Variants in THBS4 observed in about 807,000 individuals in gnomAD.
The protein encoded by THBS4 is thrombospondin-4.
THBS4 carries 90 observed loss-of-function variants against 115.7 expected under a neutral mutation model. That is an observed-to-expected ratio of 0.78 (90% confidence interval 0.66 to 0.93). The LOEUF (loss-of-function observed/expected upper bound fraction) is 0.93, where lower values mean the gene tolerates loss of function less well. Ranked by LOEUF, THBS4 falls within the 40% of genes least tolerant of loss-of-function variation. THBS4 has a pLI of 0.00. For missense variants in THBS4, 1,087 were observed against 1,232.7 expected (o/e 0.88, Z 1.77); for synonymous variants, 460 against 479.3 (o/e 0.96, Z 0.53).
chr5:80,014,402 C>T (rs1268694577), intron 2 of THBS4, among the ~76,000 whole-genome samples: 1 of 152,210 alleles, frequency 6.6e-6, no homozygotes, highest in Non-Finnish European at 1.5e-5. Context: ...ACAGTGGTCC[C>T]TCGCAGATGT....
At chr5:80,040,852 C>T (rs1023968738) in intron 2 of THBS4, among the ~76,000 whole-genome samples, 1 of 152,164 alleles carries the variant, frequency 6.6e-6, no homozygotes, top group Non-Finnish European at 1.5e-5. Context: ...TGTGTCACAA[C>T]GTGGTGGAGA....
intron 1 of THBS4, among the ~76,000 whole-genome samples, chr5:80,036,588 T>C (rs1426894455): frequency 1.3e-5 from 2 of 152,332 alleles, no homozygotes; most frequent in African/African-American, 4.8e-5. Context: ...GAAAAGATAC[T>C]TGGACAATCC....
chr5:80,077,626 C>T (rs899983506), intron 16 of THBS4, among the ~76,000 whole-genome samples: 30 of 152,214 alleles, frequency 2.0e-4, no homozygotes, highest in African/African-American at 7.0e-4. Flanking sequence ...ACGTGGGGGC[C>T]ACCAGAAGTT....
intron 10 of THBS4, among the ~76,000 whole-genome samples, chr5:80,069,930 A>T (rs1446247873): frequency 1.3e-5 from 2 of 152,198 alleles, no homozygotes; most frequent in African/African-American, 4.8e-5. Flanking sequence ...CCCTTGGCCC[A>T]GACTCTGCTC....
intron 20 of THBS4, among the ~76,000 whole-genome samples, chr5:80,081,431 G>GAAAT (rs1022389078): frequency 1.3e-5 from 2 of 152,050 alleles, no homozygotes; most frequent in African/African-American, 4.8e-5. Context: ...ATATCATAGA[G>GAAAT]AAATAAGAAT....
At position 80,083,190 on chromosome 5, in the gene THBS4, T is replaced by C. The variant is rs1464754249; in HGVS notation, c.*49T>C. 1.3e-6 allele frequency: 2 copies of C among 1,498,180 alleles called. No homozygotes were observed. Among genetic ancestry groups the C allele is most frequent in the Admixed American group, 3.4e-5 (2 of 59,502 alleles). 92.8% of individuals were successfully genotyped at this position (1,498,180 alleles called of 1,614,324 possible). On this transcript the variant is annotated 3_prime_UTR_variant, in exon 22 of 22. Coordinates refer to ENST00000350881, the MANE Select transcript of THBS4 (RefSeq NM_003248.6). ...CTTTTCGGAACACTAAAACCATATA[T>C]ATTTTAACTTCAATTTTCTTTAGCT...
chr5:80,056,101 C>T lies in THBS4; in HGVS notation c.540+69C>T, dbSNP rs1168489206. On this transcript the variant is annotated intron_variant, in intron 3 of 21. Coordinates refer to ENST00000350881, the MANE Select transcript of THBS4 (RefSeq NM_003248.6). ...CCAGTGCCTAGGGAGTGCAGAGGAG[C>T]GTGCTGAGAAATTCCTGCTGCAGGT... The T allele has an allele frequency of 8.1e-6, 12 of 1,487,982 alleles. No homozygotes were observed. In the Admixed American group the frequency reaches 1.7e-4, roughly 21 times the overall value. 92.2% of individuals were successfully genotyped at this position (1,487,982 alleles called of 1,614,324 possible). A position where few individuals can be genotyped will look rare whatever the true frequency, so the allele number is the denominator to read the frequency against.
At chr5:79,997,066 A>G (rs1427481722) in intron 1 of THBS4, among the ~76,000 whole-genome samples, 2 of 151,824 alleles carry the variant, frequency 1.3e-5, no homozygotes, top group Non-Finnish European at 2.9e-5. Flanking sequence ...GTAACCCACA[A>G]GAAAGCAAGG....
intron 1 of THBS4, among the ~76,000 whole-genome samples, chr5:79,996,979 T>C (rs1385799099): frequency 6.6e-6 from 1 of 151,536 alleles, no homozygotes; most frequent in Admixed American, 6.6e-5. Flanking sequence ...GAGTAGCCAC[T>C]AAGAGAACTA....
chr5:80,073,067 C>T (rs1742979543), intron 14 of THBS4, among the ~76,000 whole-genome samples: 2 of 152,204 alleles, frequency 1.3e-5, no homozygotes, highest in South Asian at 4.1e-4. Context: ...GGCAGCCCAT[C>T]CATGTAGCTT....
At chr5:80,077,618 G>A (rs758990074) in intron 16 of THBS4, among the ~76,000 whole-genome samples, 13 of 152,204 alleles carry the variant, frequency 8.5e-5, no homozygotes, top group African/African-American at 1.4e-4. Flanking sequence ...CAACACACAC[G>A]TGGGGGCCAC....
intron 1 of THBS4, among the ~76,000 whole-genome samples, chr5:79,996,755 T>G (rs1263877258): frequency 6.6e-6 from 1 of 152,162 alleles, no homozygotes. Flanking sequence ...AATGAGAATA[T>G]TATAATCTGA....
intron 2 of THBS4, among the ~76,000 whole-genome samples, chr5:80,043,596 A>T (rs1291513110): frequency 6.6e-6 from 1 of 152,184 alleles, no homozygotes; most frequent in Non-Finnish European, 1.5e-5. Flanking sequence ...AAAGTCCAGG[A>T]CTGGGAGATG....
At chr5:80,079,477 T>A (rs150914637) in intron 19 of THBS4, among the ~76,000 whole-genome samples, 7 of 152,238 alleles carry the variant, frequency 4.6e-5, no homozygotes, top group Admixed American at 1.3e-4. Context: ...CTACATGAGG[T>A]CAGAGAGAGG....
chr5:80,069,848 G>T (rs116827415), intron 10 of THBS4, among the ~76,000 whole-genome samples: 1 of 152,210 alleles, frequency 6.6e-6, no homozygotes, highest in Non-Finnish European at 1.5e-5. Flanking sequence ...TGTGGCTGAG[G>T]AAGTCACTGG....
intron 2 of THBS4, among the ~76,000 whole-genome samples, chr5:80,017,041 A>C (rs1470108336): frequency 2.6e-5 from 4 of 152,244 alleles, no homozygotes; most frequent in African/African-American, 9.6e-5. Context: ...GATAAAAATC[A>C]GGATCAAGAA....
chr5:80,008,907 G>A (rs1832069257), intron 2 of THBS4, among the ~76,000 whole-genome samples: 1 of 152,192 alleles, frequency 6.6e-6, no homozygotes, highest in South Asian at 2.1e-4. Flanking sequence ...TAATATCTTA[G>A]TAGAAAACTA....
intron 2 of THBS4, among the ~76,000 whole-genome samples, chr5:80,018,917 G>A (rs1195828279): frequency 6.6e-6 from 1 of 152,046 alleles, no homozygotes; most frequent in Non-Finnish European, 1.5e-5. Flanking sequence ...GTTGGGAGGG[G>A]AGTTCATGTT....
rs1400187389 is a variant in THBS4, at chr5:80,059,461, C to T, written c.754C>T (p.Arg252Ter). The T allele has an allele frequency of 9.3e-6, 15 of 1,613,484 alleles. No individual in the cohort carries two copies. Among genetic ancestry groups the T allele is most frequent in the African/African-American group, 2.7e-5 (2 of 74,750 alleles). The change falls in exon 6 of 22, where the codon CGA becomes TGA. Residue 252 changes from arginine to a stop codon, truncating the protein, a stop_gained. Transcript: ENST00000350881. LOFTEE classifies it high-confidence loss of function. ...RQQVKETSFL[R>*]NTIAECQACG... ...AAAGGTTAAGGAAACATCATTTTTGCGAAACACCATAGCTGAATGCCAGGC... is the reference window on the plus strand; with the variant it reads ...AAAGGTTAAGGAAACATCATTTTTGTGAAACACCATAGCTGAATGCCAGGC...
Sources: gnomAD v4.1 joint callset for allele counts (sites outside exome capture counted in the v4.1 genomes callset) on GRCh38, gnomAD v4.1.1 for gene constraint, MANE v1.5 for transcripts, NCBI Gene and HGNC (gene_info 2026-07-23, HGNC 2026-07-21) for gene names.